The following LRRC4C variants were observed in gnomAD, a reference collection of about 807,000 sequenced individuals.
The protein encoded by LRRC4C is leucine rich repeat containing 4C.
LRRC4C carries 5 observed loss-of-function variants against 33.6 expected under a neutral mutation model. That is an observed-to-expected ratio of 0.15 (90% CI 0.08 to 0.31). The LOEUF (loss-of-function observed/expected upper bound fraction) is 0.31. Ranked by LOEUF, LRRC4C falls within the 10% of genes least tolerant of loss-of-function variation. The pLI, the probability that LRRC4C is intolerant of heterozygous loss-of-function variation, is 1.00. For synonymous variants in LRRC4C, 329 were observed against 302.0 expected (o/e 1.09, Z -0.93); for missense variants, 560 against 796.7 (o/e 0.70, Z 3.58).
intron 1 of LRRC4C, among the ~76,000 whole-genome samples, chr11:41,171,589 C>A (rs1265007990): frequency 9.9e-6 from 1 of 101,364 alleles, no homozygotes; most frequent in Non-Finnish European, 1.9e-5. Flanking sequence ...CATCACACAC[C>A]GGGGACTGTT....
intron 3 of LRRC4C, among the ~76,000 whole-genome samples, chr11:40,541,745 A>G (rs1009524569): frequency 5.3e-5 from 8 of 152,124 alleles, no homozygotes; most frequent in African/African-American, 1.9e-4. Flanking sequence ...TCACTCAATC[A>G]TCTCTGTATC....
chr11:41,113,170 T>C (rs559587196), intron 1 of LRRC4C, among the ~76,000 whole-genome samples: 1 of 152,114 alleles, frequency 6.6e-6, no homozygotes, highest in East Asian at 1.9e-4. Flanking sequence ...ACTTTATAAG[T>C]CAGTATTTTT....
intron 1 of LRRC4C, among the ~76,000 whole-genome samples, chr11:41,281,129 C>CACAA (rs1949666574): frequency 6.8e-6 from 1 of 147,936 alleles, no homozygotes; most frequent in Non-Finnish European, 1.5e-5. Flanking sequence ...CACACACACA[C>CACAA]ACACAGAGGA....
At chr11:40,770,703 G>A (rs1949713354) in intron 2 of LRRC4C, among the ~76,000 whole-genome samples, 2 of 152,144 alleles carry the variant, frequency 1.3e-5, no homozygotes, top group Admixed American at 1.3e-4. Context: ...CTGGATCAAT[G>A]CACCCATTCC....
At chr11:41,115,950 A>ATCC (rs1441398246) in intron 1 of LRRC4C, among the ~76,000 whole-genome samples, 1 of 152,040 alleles carries the variant, frequency 6.6e-6, no homozygotes, top group Non-Finnish European at 1.5e-5. Flanking sequence ...TCCTGTTCCA[A>ATCC]AGGTGAGTCC....
At chr11:41,273,033 G>C (rs1949368660) in intron 1 of LRRC4C, among the ~76,000 whole-genome samples, 1 of 152,284 alleles carries the variant, frequency 6.6e-6, no homozygotes, top group Non-Finnish European at 1.5e-5. Flanking sequence ...AAAATGTTTG[G>C]TGTCATATAG....
chr11:40,481,700 G>A (rs1487140934), intron 3 of LRRC4C, among the ~76,000 whole-genome samples: 3 of 152,000 alleles, frequency 2.0e-5, no homozygotes, highest in Non-Finnish European at 4.4e-5. Context: ...GATAAATAAA[G>A]CAAGACTGAT....
intron 1 of LRRC4C, among the ~76,000 whole-genome samples, chr11:41,146,526 G>A (rs1001853185): frequency 2.0e-5 from 3 of 152,172 alleles, no homozygotes; most frequent in Admixed American, 6.5e-5. Flanking sequence ...GTTTAGAAAA[G>A]CAAAAGTAGG....
chr11:40,685,591 C>T (rs1159223980), intron 2 of LRRC4C, among the ~76,000 whole-genome samples: 1 of 151,240 alleles, frequency 6.6e-6, no homozygotes, highest in Non-Finnish European at 1.5e-5. Flanking sequence ...GTATCACTAC[C>T]CAGAAAACCT....
intron 1 of LRRC4C, among the ~76,000 whole-genome samples, chr11:41,415,258 G>A (rs7952147): frequency 0.079 from 11,980 of 152,134 alleles, 1,557 homozygotes; most frequent in African/African-American, 0.27. Flanking sequence ...AGTACTTCCT[G>A]TAAGTGCCAG....
chr11:40,137,210 T>C (rs111591760), intron 6 of LRRC4C, among the ~76,000 whole-genome samples: 1 of 152,034 alleles, frequency 6.6e-6, no homozygotes, highest in Non-Finnish European at 1.5e-5. Flanking sequence ...ATAGGAACTA[T>C]CACTTTTACC....
At chr11:41,420,034 A>G (rs1388396498) in intron 1 of LRRC4C, among the ~76,000 whole-genome samples, 1 of 151,884 alleles carries the variant, frequency 6.6e-6, no homozygotes, top group Non-Finnish European at 1.5e-5. Flanking sequence ...CGGTGGGAGA[A>G]GTGCTTTTTC....
chr11:40,669,977 T>C (rs928255133), intron 2 of LRRC4C, among the ~76,000 whole-genome samples: 1 of 152,226 alleles, frequency 6.6e-6, no homozygotes, highest in South Asian at 2.1e-4. Context: ...ATAGTCTCAT[T>C]GCAACTGGAA....
At chr11:40,387,539 G>A (rs963438316) in intron 3 of LRRC4C, among the ~76,000 whole-genome samples, 10 of 152,010 alleles carry the variant, frequency 6.6e-5, no homozygotes, top group Admixed American at 1.3e-4. Context: ...TCCTTATATT[G>A]TTTCAATTTC....
intron 2 of LRRC4C, among the ~76,000 whole-genome samples, chr11:40,882,633 C>T (rs1955241152): frequency 6.6e-6 from 1 of 152,046 alleles, no homozygotes; most frequent in African/African-American, 2.4e-5. Context: ...CAGATGCCAT[C>T]TTTCCAATGA....
chr11:40,305,693 C>A (rs1944995825), intron 4 of LRRC4C, among the ~76,000 whole-genome samples: 1 of 151,994 alleles, frequency 6.6e-6, no homozygotes, highest in Non-Finnish European at 1.5e-5. Flanking sequence ...GCTCTTAAGC[C>A]CAACACCAGA....
At chr11:40,952,886 ACACACACACACTCTCTCTCTCT>A in intron 1 of LRRC4C, among the ~76,000 whole-genome samples, 1 of 103,664 alleles carries the variant, frequency 9.6e-6, no homozygotes, top group African/African-American at 3.7e-5. Flanking sequence ...ACACACACAC[ACACACACACACTCTCTCTCTCT>A]CTCTCTCTCT....
chr11:40,793,531 T>A (rs916467921), intron 2 of LRRC4C, among the ~76,000 whole-genome samples: 3 of 152,190 alleles, frequency 2.0e-5, no homozygotes, highest in Non-Finnish European at 2.9e-5. Flanking sequence ...ATGTATTAAC[T>A]CATTTAATAC....
chr11:40,223,212 G>A (rs1864546018), intron 5 of LRRC4C, among the ~76,000 whole-genome samples: 1 of 152,060 alleles, frequency 6.6e-6, no homozygotes, highest in South Asian at 2.1e-4. Context: ...GGCAAAAATA[G>A]CATCACTTCT....
Sources: gnomAD v4.1 joint callset for allele counts (sites outside exome capture counted in the v4.1 genomes callset) on GRCh38, gnomAD v4.1.1 for gene constraint, MANE v1.5 for transcripts, NCBI Gene and HGNC (gene_info 2026-07-23, HGNC 2026-07-21) for gene names.